STIM1: variants seen among roughly 807,000 people sequenced by gnomAD.
The protein encoded by STIM1 is stromal interaction molecule 1.
Under a neutral mutation model 74.7 loss-of-function variants are expected in STIM1, and 25 were observed. The ratio of observed to expected loss-of-function variants is 0.33; its 90% CI spans 0.24 to 0.47. The LOEUF (loss-of-function observed/expected upper bound fraction) is 0.47. Ranked by LOEUF, STIM1 falls within the 20% of genes least tolerant of loss-of-function variation. The pLI, the probability that STIM1 is intolerant of heterozygous loss-of-function variation, is 1.00. For missense variants in STIM1, 728 were observed against 920.8 expected, an observed-to-expected ratio of 0.79 and a Z score of 2.71; for synonymous variants, 328 against 348.8, an observed-to-expected ratio of 0.94 and a Z score of 0.66.
intron 1 of STIM1, among the ~76,000 whole-genome samples, chr11:3,956,500 C>T (rs2093214431): frequency 6.6e-6 from 1 of 152,100 alleles, no homozygotes; most frequent in South Asian, 2.1e-4. Context: ...CTGTGGGTTT[C>T]TGTAGGTCCT....
At chr11:3,978,012 G>T (rs1158054415) in intron 2 of STIM1, among the ~76,000 whole-genome samples, 1 of 152,136 alleles carries the variant, frequency 6.6e-6, no homozygotes, top group Non-Finnish European at 1.5e-5. Flanking sequence ...CCAGGACACT[G>T]TAGGAGGCAG....
chr11:3,974,513 CAAAA>C (rs554777497), intron 2 of STIM1, among the ~76,000 whole-genome samples: 2 of 70,248 alleles, frequency 2.8e-5, no homozygotes, highest in Non-Finnish European at 2.9e-5. Flanking sequence ...CTATCTCTAC[CAAAA>C]AAAAAAAAAA....
At chr11:4,037,242 G>A (rs2094111612) in intron 3 of STIM1, among the ~76,000 whole-genome samples, 1 of 152,046 alleles carries the variant, frequency 6.6e-6, no homozygotes, top group African/African-American at 2.4e-5. Context: ...TTTTAGTAGA[G>A]ACAGGGTTTC....
At chr11:4,032,005 G>A (rs1590661793) in intron 3 of STIM1, among the ~76,000 whole-genome samples, 2 of 152,246 alleles carry the variant, frequency 1.3e-5, no homozygotes, top group East Asian at 3.9e-4. Context: ...GTAGTTTTAT[G>A]TTTTACATTT....
At chr11:4,018,474 A>AT (rs1161332736) in intron 2 of STIM1, among the ~76,000 whole-genome samples, 1 of 144,296 alleles carries the variant, frequency 6.9e-6, no homozygotes, top group East Asian at 2.0e-4. Flanking sequence ...AAAAAAAAAA[A>AT]AAAAAAAAAA....
intron 6 of STIM1, among the ~76,000 whole-genome samples, chr11:4,073,458 TG>T (rs2133179824): frequency 6.6e-6 from 1 of 152,378 alleles, no homozygotes; most frequent in Non-Finnish European, 1.5e-5. Context: ...TTTGTCACAC[TG>T]AATACAGTTA....
At chr11:4,057,318 T>G (rs184197186) in intron 4 of STIM1, among the ~76,000 whole-genome samples, 1 of 152,280 alleles carries the variant, frequency 6.6e-6, no homozygotes, top group East Asian at 1.9e-4. Context: ...TTTTTGTGGC[T>G]AGAATTACAG....
intron 5 of STIM1, among the ~76,000 whole-genome samples, chr11:4,064,457 G>A (rs930336888): frequency 2.6e-5 from 4 of 152,164 alleles, no homozygotes; most frequent in African/African-American, 7.2e-5. Context: ...GGCTGAGTGA[G>A]CAGACACTTA....
At chr11:3,948,501 G>A (rs559426950) in intron 1 of STIM1, among the ~76,000 whole-genome samples, 12 of 152,122 alleles carry the variant, frequency 7.9e-5, no homozygotes, top group African/African-American at 2.2e-4. Flanking sequence ...TTATTATGCC[G>A]TATTTTACAG....
At chr11:4,064,856 C>T (rs1055555253) in intron 5 of STIM1, among the ~76,000 whole-genome samples, 2 of 152,178 alleles carry the variant, frequency 1.3e-5, no homozygotes, top group Non-Finnish European at 2.9e-5. Context: ...CCATCTAGGG[C>T]TCGCCAAACA....
intron 3 of STIM1, among the ~76,000 whole-genome samples, chr11:4,044,118 G>A (rs1332084015): frequency 1.3e-5 from 2 of 152,164 alleles, no homozygotes; most frequent in African/African-American, 4.8e-5. Context: ...CTGATTCGGT[G>A]TAGCATTGTT....
At chr11:4,044,749 C>T (rs979816754) in intron 3 of STIM1, among the ~76,000 whole-genome samples, 7 of 152,170 alleles carry the variant, frequency 4.6e-5, no homozygotes, top group Non-Finnish European at 7.3e-5. Context: ...TATGTAGGAG[C>T]GATTATTCTA....
At chr11:4,024,731 C>T (rs1379734197) in intron 3 of STIM1, among the ~76,000 whole-genome samples, 1 of 152,156 alleles carries the variant, frequency 6.6e-6, no homozygotes, top group African/African-American at 2.4e-5. Flanking sequence ...ACTCTACTGA[C>T]CCATGTTGAG....
intron 1 of STIM1, among the ~76,000 whole-genome samples, chr11:3,895,537 G>A (rs1452707337): frequency 3.3e-5 from 5 of 152,092 alleles, no homozygotes; most frequent in Non-Finnish European, 7.3e-5. Flanking sequence ...GCCCAGAAAG[G>A]AGATGCACTT....
chr11:3,977,195 A>G lies in STIM1; in HGVS notation c.270+9513A>G, dbSNP rs551439905. Among the ~76,000 whole-genome samples, 55 of 152,136 alleles carry G rather than the reference A, an allele frequency of 3.6e-4. 1 individual carries two copies. The South Asian group carries it at 0.011, about 30-fold the overall frequency. ...GTCTCTCTTTTCCCCAGTGCCCAACAAAGTCTGTTATAGAATATGTGCTTA... is the reference window on the plus strand; with the variant it reads ...GTCTCTCTTTTCCCCAGTGCCCAACGAAGTCTGTTATAGAATATGTGCTTA... On this transcript the variant is annotated intron_variant, in intron 2 of 12. Transcript: ENST00000526596.
At chr11:3,891,682 G>A (rs570842668) in intron 1 of STIM1, among the ~76,000 whole-genome samples, 6 of 152,070 alleles carry the variant, frequency 3.9e-5, no homozygotes, top group Non-Finnish European at 8.8e-5. Flanking sequence ...AAAAAAAGAA[G>A]TATTGAGTTA....
Position 4,083,395 on chromosome 11 carries a change from C to T in STIM1, c.1371C>T (p.Asp457=), listed in dbSNP as rs777537168. The stretch of plus-strand genomic sequence containing the variant: ...CACTGGTGGCTGCCCTCAACATAGA[C>T]CCCAGCTGGATGGGCAGTACACGCC... ...IHSLVAALNI[D]PSWMGSTRPN... The change falls in exon 10 of 13, where the codon GAC becomes GAT. Residue 457 remains aspartate, a synonymous_variant. Coordinates refer to ENST00000526596, the MANE Select transcript of STIM1 (RefSeq NM_001382567.1). 7 of 1,614,126 alleles carry T rather than the reference C, an allele frequency of 4.3e-6. No individual in the cohort carries two copies. The African/African-American group carries it at 5.3e-5, about 12-fold the overall frequency.
intron 2 of STIM1, chr11:3,989,539 TG>T: frequency 1.7e-6 from 1 of 572,644 alleles, no homozygotes. Context: ...CTGGGCTGCC[TG>T]GTCGCTGCCG....
At chr11:3,973,118 G>A (rs963452914) in intron 2 of STIM1, 29 of 417,488 alleles carry the variant, frequency 6.9e-5, no homozygotes, top group South Asian at 3.1e-4. Flanking sequence ...TTCCTTCAGC[G>A]TAACCAGGGC....
Sources: gnomAD v4.1 joint callset for allele counts (sites outside exome capture counted in the v4.1 genomes callset) on GRCh38, gnomAD v4.1.1 for gene constraint, MANE v1.5 for transcripts, NCBI Gene and HGNC (gene_info 2026-07-23, HGNC 2026-07-21) for gene names.